NRXN3: variants seen among roughly 807,000 people sequenced by gnomAD.
NRXN3 encodes neurexin 3, also known as neurexin III.
A neutral mutation model predicts 137.6 loss-of-function variants in NRXN3; 32 were observed. That is an observed-to-expected ratio of 0.23 (90% CI 0.18 to 0.31). The LOEUF (loss-of-function observed/expected upper bound fraction) is 0.31, where lower values mean the gene tolerates loss of function less well. Among genes scored for constraint, NRXN3 ranks in the 10% least tolerant of loss-of-function variants. NRXN3 has a pLI of 1.00. For synonymous variants in NRXN3, 798 were observed against 784.5 expected (o/e 1.02, Z -0.29); for missense variants, 1,574 against 2,062.5 (o/e 0.76, Z 4.59).
rs78838567 is a variant in NRXN3 at position 78,446,158 on chromosome 14, C to G, written c.757+148298C>G. 3.6e-3 allele frequency among the ~76,000 whole-genome samples: 554 copies of G among 152,322 alleles called. 24 individuals carry two copies. The East Asian group carries it at 0.066, about 18-fold the overall frequency. On this transcript the variant is annotated intron_variant, in intron 4 of 20. Coordinates refer to ENST00000335750, the MANE Select transcript of NRXN3 (RefSeq NM_001330195.2). ...CTTCTATAAACTACTGGGACAGTCACTGGAGGAACTGTCATTTTTTAACTC... is the reference window on the plus strand; with the variant it reads ...CTTCTATAAACTACTGGGACAGTCAGTGGAGGAACTGTCATTTTTTAACTC...
intron 6 of NRXN3, among the ~76,000 whole-genome samples, chr14:78,674,837 GAAAGTATCC>G (rs1187219609): frequency 6.6e-6 from 1 of 152,184 alleles, no homozygotes; most frequent in Non-Finnish European, 1.5e-5. Flanking sequence ...TGTCTTGGTT[GAAAGTATCC>G]ACAGAAAACA....
intron 6 of NRXN3, among the ~76,000 whole-genome samples, chr14:78,683,472 A>T (rs981441026): frequency 6.6e-6 from 1 of 152,210 alleles, no homozygotes; most frequent in Non-Finnish European, 1.5e-5. Flanking sequence ...TGCTTTATTT[A>T]GTTTGTAGAA....
At chr14:78,996,901 C>G (rs1269132572) in intron 15 of NRXN3, among the ~76,000 whole-genome samples, 1 of 152,116 alleles carries the variant, frequency 6.6e-6, no homozygotes, top group East Asian at 1.9e-4. Flanking sequence ...CAATGAAACC[C>G]AGGGTCTTCT....
chr14:79,563,271 C>G (rs1379543448), intron 16 of NRXN3, among the ~76,000 whole-genome samples: 1 of 151,886 alleles, frequency 6.6e-6, no homozygotes, highest in African/African-American at 2.4e-5. Context: ...TTTTAGGGAC[C>G]ATAAAAGTGA....
intron 19 of NRXN3, among the ~76,000 whole-genome samples, chr14:79,731,603 A>G (rs1015233613): frequency 2.6e-5 from 4 of 151,044 alleles, no homozygotes; most frequent in African/African-American, 9.7e-5. Flanking sequence ...TAACTAGTGA[A>G]CTCCTTGGTT....
At chr14:78,230,653 AAATTGC>A (rs1354704204) in intron 1 of NRXN3, among the ~76,000 whole-genome samples, 4 of 152,236 alleles carry the variant, frequency 2.6e-5, no homozygotes, top group South Asian at 4.2e-4. Flanking sequence ...GTGGGAAAAG[AAATTGC>A]AAAGACTCTG....
chr14:79,130,066 G>A (rs1434058654), intron 15 of NRXN3, among the ~76,000 whole-genome samples: 8 of 151,854 alleles, frequency 5.3e-5, no homozygotes, highest in African/African-American at 1.7e-4. Flanking sequence ...TTGAGCCTAT[G>A]TGTGTCTCTG....
chr14:78,856,816 C>G (rs1348450262), intron 10 of NRXN3, among the ~76,000 whole-genome samples: 1 of 152,192 alleles, frequency 6.6e-6, no homozygotes. Context: ...TTTCTGCAAC[C>G]TCTGCCTCCC....
intron 4 of NRXN3, among the ~76,000 whole-genome samples, chr14:78,346,597 G>A (rs2082765217): frequency 6.6e-6 from 1 of 152,134 alleles, no homozygotes; most frequent in South Asian, 2.1e-4. Flanking sequence ...TACAACTGGG[G>A]TGAGATGAGC....
At chr14:79,192,876 T>C (rs140814566) in intron 15 of NRXN3, among the ~76,000 whole-genome samples, 3,392 of 148,456 alleles carry the variant, frequency 0.023, 109 homozygotes, top group African/African-American at 0.066. Context: ...GTTCAAGAGA[T>C]TCTCCTGCCC....
At chr14:78,597,915 C>T (rs2097171009) in intron 4 of NRXN3, among the ~76,000 whole-genome samples, 1 of 152,116 alleles carries the variant, frequency 6.6e-6, no homozygotes, top group Non-Finnish European at 1.5e-5. Flanking sequence ...CTCAGAAAGA[C>T]AGGAAGGGTG....
chr14:79,211,847 T>C (rs138831053), intron 15 of NRXN3, among the ~76,000 whole-genome samples: 1 of 152,142 alleles, frequency 6.6e-6, no homozygotes, highest in Non-Finnish European at 1.5e-5. Flanking sequence ...TTTTTAAAGA[T>C]ATTTGCAGAT....
At chr14:78,916,863 C>G (rs868046885) in intron 10 of NRXN3, among the ~76,000 whole-genome samples, 4 of 152,204 alleles carry the variant, frequency 2.6e-5, no homozygotes, top group Non-Finnish European at 5.9e-5. Context: ...AGAGAAGGAT[C>G]TGTTCCAGAA....
At chr14:79,608,100 GT>G (rs1444141348) in intron 16 of NRXN3, among the ~76,000 whole-genome samples, 1 of 152,120 alleles carries the variant, frequency 6.6e-6, no homozygotes, top group Non-Finnish European at 1.5e-5. Flanking sequence ...TATCCCTGGG[GT>G]TTTTGAGCTT....
intron 15 of NRXN3, among the ~76,000 whole-genome samples, chr14:79,109,258 T>A (rs915565466): frequency 6.6e-6 from 1 of 152,012 alleles, no homozygotes; most frequent in African/African-American, 2.4e-5. Context: ...GCCATGTTTG[T>A]GGATTCAGAA....
chr14:79,079,564 A>T (rs569380488), intron 15 of NRXN3, among the ~76,000 whole-genome samples: 49 of 152,040 alleles, frequency 3.2e-4, no homozygotes, highest in African/African-American at 1.2e-3. Context: ...CATTATAGCT[A>T]TTTTTTTTCA....
chr14:79,500,409 A>C (rs2096813544), intron 16 of NRXN3, among the ~76,000 whole-genome samples: 1 of 152,200 alleles, frequency 6.6e-6, no homozygotes, highest in Non-Finnish European at 1.5e-5. Flanking sequence ...CTGTTTAATC[A>C]GGGAATGATG....
intron 8 of NRXN3, among the ~76,000 whole-genome samples, chr14:78,760,667 C>A (rs1328396541): frequency 1.3e-5 from 2 of 151,870 alleles, no homozygotes; most frequent in African/African-American, 2.4e-5. Context: ...ATCGTCACTT[C>A]CTACCTGTCC....
At chr14:79,819,690 G>A (rs981507578) in intron 20 of NRXN3, among the ~76,000 whole-genome samples, 2 of 151,608 alleles carry the variant, frequency 1.3e-5, no homozygotes, top group Admixed American at 6.6e-5. Context: ...TCACCATGTT[G>A]GCCAGACTGG....
Sources: gnomAD v4.1 joint callset for allele counts (sites outside exome capture counted in the v4.1 genomes callset) on GRCh38, gnomAD v4.1.1 for gene constraint, MANE v1.5 for transcripts, NCBI Gene and HGNC (gene_info 2026-07-23, HGNC 2026-07-21) for gene names.